Variants in PRKCH observed in about 807,000 individuals in gnomAD.
PRKCH encodes protein kinase C eta type.
In PRKCH, 28 loss-of-function variants were observed where a neutral mutation model predicts 82.5. The observed-to-expected ratio is 0.34, with a 90% CI of 0.25 to 0.47. PRKCH has a LOEUF of 0.47. PRKCH is among the 20% of genes least tolerant of loss of function. The probability of loss-of-function intolerance (pLI) is 1.00; values close to 1 mark genes in which losing one functional copy is unlikely to be tolerated. For synonymous variants in PRKCH, 322 were observed against 327.4 expected (o/e 0.98, Z 0.18); for missense variants, 705 against 881.8 (o/e 0.80, Z 2.54).
chr14:61,381,360 C>T (rs2046507113), intron 1 of PRKCH, among the ~76,000 whole-genome samples: 1 of 152,192 alleles, frequency 6.6e-6, no homozygotes. Flanking sequence ...TTTGATACTA[C>T]TTTTCTGTTC....
At chr14:61,520,401 A>G (rs988872991) in intron 10 of PRKCH, among the ~76,000 whole-genome samples, 3 of 152,192 alleles carry the variant, frequency 2.0e-5, no homozygotes, top group African/African-American at 7.2e-5. Context: ...GTATGAGCCT[A>G]TAAGTAAGTC....
At chr14:61,535,441 G>A (rs66848290) in intron 12 of PRKCH, among the ~76,000 whole-genome samples, 13,967 of 152,222 alleles carry the variant, frequency 0.092, 773 homozygotes, top group South Asian at 0.2. Flanking sequence ...GCCATCTGGA[G>A]GAGATGACAT....
At chr14:61,482,992 G>A (rs1216058967) in intron 9 of PRKCH, among the ~76,000 whole-genome samples, 5 of 152,210 alleles carry the variant, frequency 3.3e-5, no homozygotes, top group Non-Finnish European at 7.4e-5. Context: ...CAGTAGCCAG[G>A]TGTTCAGAGC....
At chr14:61,273,839 A>G (rs1185407679) in intron 1 of PRKCH, among the ~76,000 whole-genome samples, 1 of 152,226 alleles carries the variant, frequency 6.6e-6, no homozygotes, top group South Asian at 2.1e-4. Flanking sequence ...ACTATCTTGT[A>G]GGAAACAAAA....
intron 9 of PRKCH, among the ~76,000 whole-genome samples, chr14:61,479,635 C>T (rs1372273370): frequency 1.3e-5 from 2 of 152,178 alleles, no homozygotes; most frequent in African/African-American, 4.8e-5. Context: ...AGCTTTAACT[C>T]CTATCGAACA....
At chr14:61,238,089 G>C (rs2044806216) in intron 1 of PRKCH, among the ~76,000 whole-genome samples, 2 of 152,332 alleles carry the variant, frequency 1.3e-5, no homozygotes, top group South Asian at 4.1e-4. Context: ...ACTATGTATG[G>C]AGAAACCTTT....
chr14:61,532,699 T>A (rs2043055716), intron 12 of PRKCH, among the ~76,000 whole-genome samples: 1 of 152,234 alleles, frequency 6.6e-6, no homozygotes, highest in Non-Finnish European at 1.5e-5. Context: ...ATATCTTTTA[T>A]GTAAATATGG....
chr14:61,541,079 C>T (rs777136328), intron 12 of PRKCH, among the ~76,000 whole-genome samples: 4 of 152,248 alleles, frequency 2.6e-5, no homozygotes, highest in Non-Finnish European at 5.9e-5. Flanking sequence ...CAGGTCCAAG[C>T]CTGGTGTCTC....
intron 9 of PRKCH, among the ~76,000 whole-genome samples, chr14:61,481,967 T>C (rs1203206195): frequency 6.6e-6 from 1 of 151,030 alleles, no homozygotes; most frequent in Non-Finnish European, 1.5e-5. Flanking sequence ...CACCTGATGA[T>C]GTGTGGGTCT....
At chr14:61,351,211 G>A (rs542174230) in intron 1 of PRKCH, among the ~76,000 whole-genome samples, 1 of 152,334 alleles carries the variant, frequency 6.6e-6, no homozygotes, top group East Asian at 1.9e-4. Context: ...GTGTGCTGAT[G>A]CAGAACCACA....
chr14:61,390,523 CA>C (rs917465105), intron 1 of PRKCH, among the ~76,000 whole-genome samples: 2 of 151,960 alleles, frequency 1.3e-5, no homozygotes, highest in African/African-American at 4.8e-5. Context: ...AATACAAAAA[CA>C]GATCAGATGT....
At chr14:61,225,603 C>T (rs1009524458) in intron 1 of PRKCH, among the ~76,000 whole-genome samples, 1 of 152,226 alleles carries the variant, frequency 6.6e-6, no homozygotes, top group Non-Finnish European at 1.5e-5. Context: ...AATAGCTCCA[C>T]CCACATATGA....
chr14:61,190,187 T>C (rs2044398198), intron 1 of PRKCH, among the ~76,000 whole-genome samples: 1 of 152,220 alleles, frequency 6.6e-6, no homozygotes, highest in South Asian at 2.1e-4. Flanking sequence ...ACTGTTATAA[T>C]AATAAGTTAT....
intron 1 of PRKCH, among the ~76,000 whole-genome samples, chr14:61,191,125 T>C (rs1345824532): frequency 6.6e-6 from 1 of 152,182 alleles, no homozygotes; most frequent in Non-Finnish European, 1.5e-5. Flanking sequence ...CTTGGGTGAA[T>C]ATAATTCTGC....
intron 1 of PRKCH, among the ~76,000 whole-genome samples, chr14:61,341,415 T>C (rs1298513264): frequency 6.6e-6 from 1 of 152,220 alleles, no homozygotes; most frequent in Non-Finnish European, 1.5e-5. Context: ...TCACTCTCCA[T>C]GTAACTACAA....
intron 13 of PRKCH, 82 bp downstream of exon 13, chr14:61,547,968 G>A: frequency 6.5e-7 from 1 of 1,539,592 alleles, no homozygotes; most frequent in Non-Finnish European, 8.8e-7. Context: ...AGAGCTGGAT[G>A]GCCCCTGTGG....
At chr14:61,313,819 A>T (rs899876007) in intron 1 of PRKCH, among the ~76,000 whole-genome samples, 1 of 152,094 alleles carries the variant, frequency 6.6e-6, no homozygotes, top group Non-Finnish European at 1.5e-5. Flanking sequence ...ACAGCATGGG[A>T]AAGACCTGTT....
At chr14:61,442,404 A>G (rs1338959209) in intron 2 of PRKCH, among the ~76,000 whole-genome samples, 2 of 152,294 alleles carry the variant, frequency 1.3e-5, no homozygotes, top group East Asian at 3.9e-4. Flanking sequence ...CGATTCCCTC[A>G]TTTAGTTTGC....
chr14:61,540,201 A>G (rs1057109502), intron 12 of PRKCH, among the ~76,000 whole-genome samples: 10 of 152,206 alleles, frequency 6.6e-5, no homozygotes, highest in African/African-American at 2.4e-4. Flanking sequence ...CACTGTATGT[A>G]CTTCTCAGCC....
Sources: gnomAD v4.1 joint callset for allele counts (sites outside exome capture counted in the v4.1 genomes callset) on GRCh38, gnomAD v4.1.1 for gene constraint, MANE v1.5 for transcripts, NCBI Gene and HGNC (gene_info 2026-07-23, HGNC 2026-07-21) for gene names.